FAM117B: variants seen among roughly 807,000 people sequenced by gnomAD.
FAM117B encodes the protein protein FAM117B.
In FAM117B, 22 loss-of-function variants were observed where a neutral mutation model predicts 52.8. The observed-to-expected ratio is 0.42, with a 90% CI of 0.30 to 0.59. The LOEUF is 0.59. FAM117B is among the 20% of genes least tolerant of loss of function. FAM117B has a pLI of 0.22. For synonymous variants in FAM117B, 309 were observed against 324.1 expected (o/e 0.95, Z 0.50); for missense variants, 678 against 802.6 (o/e 0.84, Z 1.88).
intron 1 of FAM117B, 102 bp downstream of exon 1, chr2:202,635,890 G>C (rs1402536074): frequency 7.3e-5 from 89 of 1,215,968 alleles, no homozygotes; most frequent in Non-Finnish European, 8.9e-5. Flanking sequence ...CGCGGAGCCC[G>C]GGTGGCTGGG....
chr2:202,731,652 G>C (rs765626481), intron 4 of FAM117B, among the ~76,000 whole-genome samples: 6 of 151,720 alleles, frequency 4.0e-5, no homozygotes, highest in Admixed American at 3.9e-4. Context: ...GGCTGGTCTC[G>C]TACTCCTGAC....
intron 2 of FAM117B, among the ~76,000 whole-genome samples, chr2:202,723,758 G>T (rs1450897877): frequency 6.6e-6 from 1 of 152,134 alleles, no homozygotes; most frequent in Non-Finnish European, 1.5e-5. Context: ...ATAAAGATGT[G>T]CATTTGGTAT....
chr2:202,762,359 T>C (rs189539204), intron 7 of FAM117B, among the ~76,000 whole-genome samples: 1 of 152,298 alleles, frequency 6.6e-6, no homozygotes, highest in East Asian at 1.9e-4. Context: ...TACTTCCGTC[T>C]CTATAATCTT....
intron 1 of FAM117B, among the ~76,000 whole-genome samples, chr2:202,685,123 C>G (rs1248169192): frequency 6.6e-6 from 1 of 152,014 alleles, no homozygotes; most frequent in Non-Finnish European, 1.5e-5. Flanking sequence ...GCTGGGATTA[C>G]AGGTGCCCGC....
intron 4 of FAM117B, among the ~76,000 whole-genome samples, chr2:202,734,367 A>C (rs1323207694): frequency 6.6e-6 from 1 of 152,176 alleles, no homozygotes; most frequent in East Asian, 1.9e-4. Context: ...TAAAAACAGC[A>C]ACAACAAAAA....
chr2:202,724,198 C>G (rs2105786766), intron 2 of FAM117B, among the ~76,000 whole-genome samples: 1 of 151,912 alleles, frequency 6.6e-6, no homozygotes, highest in South Asian at 2.1e-4. Context: ...GCTGGGATTA[C>G]AAGCACACGC....
At chr2:202,747,515 A>G (rs1007189749) in intron 4 of FAM117B, among the ~76,000 whole-genome samples, 1 of 152,182 alleles carries the variant, frequency 6.6e-6, no homozygotes, top group Non-Finnish European at 1.5e-5. Flanking sequence ...ATATATGGAA[A>G]AACCTACCCA....
At chr2:202,707,590 C>T (rs1253790849) in intron 2 of FAM117B, among the ~76,000 whole-genome samples, 2 of 151,632 alleles carry the variant, frequency 1.3e-5, no homozygotes, top group Non-Finnish European at 2.9e-5. Context: ...ACTTGCAATC[C>T]CAGCTACTCG....
chr2:202,733,983 A>G (rs1427858524), intron 4 of FAM117B, among the ~76,000 whole-genome samples: 1 of 152,236 alleles, frequency 6.6e-6, no homozygotes, highest in Non-Finnish European at 1.5e-5. Context: ...GGCATAAGAA[A>G]TTATAAAAGT....
intron 1 of FAM117B, among the ~76,000 whole-genome samples, chr2:202,674,479 A>G (rs1270861725): frequency 6.6e-6 from 1 of 152,240 alleles, no homozygotes; most frequent in East Asian, 1.9e-4. Flanking sequence ...TTCCAATTCC[A>G]TACTCTATCT....
intron 2 of FAM117B, among the ~76,000 whole-genome samples, chr2:202,715,656 C>T (rs183152771): frequency 7.0e-4 from 106 of 152,168 alleles, no homozygotes; most frequent in Middle Eastern, 3.4e-3. Flanking sequence ...CAGGCAGAGA[C>T]GCTCCTCACT....
At chr2:202,659,890 A>G (rs1019330799) in intron 1 of FAM117B, among the ~76,000 whole-genome samples, 4 of 151,778 alleles carry the variant, frequency 2.6e-5, no homozygotes, top group African/African-American at 9.7e-5. Flanking sequence ...AAGTGCTGGG[A>G]TTACAGGTGT....
chr2:202,739,959 G>A (rs1691497741), intron 4 of FAM117B, among the ~76,000 whole-genome samples: 1 of 151,758 alleles, frequency 6.6e-6, no homozygotes, highest in Non-Finnish European at 1.5e-5. Context: ...ATCACTTGAG[G>A]TCAGGAGTTT....
rs942017472 is a variant in FAM117B at position 202,767,606 on chromosome 2, T to A, written c.*1842T>A. 2.6e-5 allele frequency: 4 copies of A among 152,224 alleles called. No individual in the cohort carries two copies. The highest frequency in any genetic ancestry group is 4.4e-5 in the Non-Finnish European group (3 of 68,052). The allele number at this position is 152,224 out of a possible 1,614,324, so 9.4% of individuals were successfully genotyped here. A position where few individuals can be genotyped will look rare whatever the true frequency, so the allele number is the denominator to read the frequency against. ...GTAGAAAAAAGTTTTTAAATCCTTA[T>A]AAAGAGGATGCAGTTTAGAAGGTTA... is the stretch of plus-strand genomic sequence containing the variant. On this transcript the variant is annotated 3_prime_UTR_variant, in exon 8 of 8. Transcript: ENST00000392238.
intron 1 of FAM117B, among the ~76,000 whole-genome samples, chr2:202,649,805 G>C (rs185560576): frequency 2.4e-4 from 37 of 152,272 alleles, no homozygotes; most frequent in Admixed American, 1.0e-3. Flanking sequence ...GCCCACGTCA[G>C]CCTCCCAGAG....
chr2:202,726,341 A>G lies in FAM117B; in HGVS notation c.938A>G (p.His313Arg), dbSNP rs1691245386. Residue 313 changes from histidine to arginine, a missense_variant, in exon 4 of 8, where the codon CAT (histidine) becomes CGT (arginine). This residue lies in a region of FAM117B where 583 missense variants were observed against 644.8 expected (regional missense o/e 0.90). Transcript: ENST00000392238. ...KERQSPFHGN[H>R]AAINQCQAPV... ...AGACAGTCTCCATTTCATGGCAACCATGCAGCTATTAACCAGTGTCAGGTA... is the reference window on the plus strand; with the variant it reads ...AGACAGTCTCCATTTCATGGCAACCGTGCAGCTATTAACCAGTGTCAGGTA... The G allele has an allele frequency of 1.2e-6, 2 of 1,613,542 alleles. No homozygotes were observed. The highest frequency in any genetic ancestry group is 1.3e-5 in the African/African-American group (1 of 74,932).
intron 7 of FAM117B, among the ~76,000 whole-genome samples, chr2:202,762,865 A>G (rs1691916366): frequency 6.6e-6 from 1 of 151,946 alleles, no homozygotes; most frequent in Admixed American, 6.6e-5. Flanking sequence ...GATCAGTTAG[A>G]CAAGTTATTA....
chr2:202,723,187 A>C (rs1022841774), intron 2 of FAM117B, among the ~76,000 whole-genome samples: 1 of 152,168 alleles, frequency 6.6e-6, no homozygotes, highest in African/African-American at 2.4e-5. Context: ...GGCTATAAGG[A>C]GAAGATCCAG....
chr2:202,645,860 C>T (rs1689854599), intron 1 of FAM117B, among the ~76,000 whole-genome samples: 2 of 151,980 alleles, frequency 1.3e-5, no homozygotes, highest in Non-Finnish European at 2.9e-5. Flanking sequence ...CCCGCCTTGG[C>T]CTCCCAAATG....
Sources: allele counts gnomAD v4.1 joint callset (sites outside exome capture counted in the v4.1 genomes callset), GRCh38; gene constraint gnomAD v4.1.1; regional missense constraint gnomAD v4.1.1; transcripts MANE v1.5; gene names NCBI Gene and HGNC (gene_info 2026-07-23, HGNC 2026-07-21).